The following TTC13 variants were observed in gnomAD, a reference collection of about 807,000 sequenced individuals.
TTC13 encodes tetratricopeptide repeat domain 13.
A neutral mutation model predicts 120.0 loss-of-function variants in TTC13; 62 were observed. That is an observed-to-expected ratio of 0.52 (90% confidence interval 0.42 to 0.64). TTC13 has a LOEUF of 0.64. Ranked by LOEUF, TTC13 falls within the 30% of genes least tolerant of loss-of-function variation. The pLI, the probability that TTC13 is intolerant of heterozygous loss-of-function variation, is 0.00. For missense variants in TTC13, 824 were observed against 1,050.2 expected, an observed-to-expected ratio of 0.78 and a Z score of 2.98; for synonymous variants, 384 against 393.5, an observed-to-expected ratio of 0.98 and a Z score of 0.28.
At chr1:230,963,613 T>G (rs1049435301) in intron 1 of TTC13, among the ~76,000 whole-genome samples, 13 of 150,554 alleles carry the variant, frequency 8.6e-5, no homozygotes, top group Non-Finnish European at 1.8e-4. Context: ...CCAGTCTGGA[T>G]GACAGAGTAA....
chr1:230,906,590 A>C lies in TTC13; in HGVS notation c.*315T>G, dbSNP rs1670954710. Reference sequence around the variant, plus strand: ...TTTGTTTTTGTTCATCTTCAGTATTATATTTTAGTTGTTGAGGAAAATTTT... The same window carrying C: ...TTTGTTTTTGTTCATCTTCAGTATTCTATTTTAGTTGTTGAGGAAAATTTT... On this transcript the variant is annotated 3_prime_UTR_variant, in exon 23 of 23. Transcript: ENST00000366661. 1 of 167,552 alleles carries C rather than the reference A, an allele frequency of 6.0e-6. No homozygotes were observed. Among genetic ancestry groups the C allele is most frequent in the African/African-American group, 2.4e-5 (1 of 42,130 alleles). The allele number at this position is 167,552 out of a possible 1,614,324, so 10.4% of individuals were successfully genotyped here.
intron 19 of TTC13, among the ~76,000 whole-genome samples, chr1:230,911,869 T>G (rs1671541750): frequency 6.6e-6 from 1 of 152,218 alleles, no homozygotes; most frequent in African/African-American, 2.4e-5. Flanking sequence ...AAGGCATTTA[T>G]TAACACCAAA....
chr1:230,928,423 T>G (rs142931783), intron 12 of TTC13, among the ~76,000 whole-genome samples: 52 of 152,352 alleles, frequency 3.4e-4, no homozygotes, highest in African/African-American at 1.2e-3. Context: ...TAACTGATTA[T>G]TGTATATTGA....
intron 22 of TTC13, 129 bp downstream of exon 22, chr1:230,908,583 T>C (rs1413849477): frequency 1.6e-5 from 11 of 702,044 alleles, no homozygotes; most frequent in Non-Finnish European, 2.4e-5. Flanking sequence ...ATTAAATTCA[T>C]TGTATTACAT....
rs1185809278 is a variant in TTC13 at position 230,978,792 on chromosome 1, C to G, written c.39G>C (p.Trp13Cys). Residue 13 changes from tryptophan (W) to cysteine (C), a missense_variant, in exon 1 of 23, where the codon TGG (tryptophan) becomes TGC (cysteine). Physicochemically the swap from Trp to Cys is radical, Grantham distance 215. Transcript: ENST00000366661. The surrounding 1 kb of genome is among the most constrained non-coding windows in gnomAD (Gnocchi z 5.6). ...PAGCCCCCCF[W>C]GGAVAAAGAA... ...CGCCCGCGGCGGCCACAGCGCCGCC[C>G]CAGAAGCAGCAGCAGCAGCAGCAGC... 6.7e-7 allele frequency: 1 copy of G among 1,498,472 alleles called. No homozygotes were observed. The highest frequency in any genetic ancestry group is 8.8e-7 in the Non-Finnish European group (1 of 1,133,194). 92.8% of individuals were successfully genotyped at this position (1,498,472 alleles called of 1,614,324 possible).
Position 230,942,938 on chromosome 1 carries a change from T to C in TTC13, c.672+868A>G, listed in dbSNP as rs530664955. ...TATTACATGGCATCTTCACCACATATTATCTGTCTCTATGTCAAGTTCCTT... is the reference window on the plus strand; with the variant it reads ...TATTACATGGCATCTTCACCACATACTATCTGTCTCTATGTCAAGTTCCTT... On this transcript the variant is annotated intron_variant, in intron 6 of 22. Transcript: ENST00000366661. The surrounding 1 kb of genome is among the most constrained non-coding windows in gnomAD (Gnocchi z 4.0). Among the ~76,000 whole-genome samples the C allele has an allele frequency of 3.3e-5, 5 of 152,318 alleles. No individual in the cohort carries two copies. The highest frequency in any genetic ancestry group is 4.8e-5 in the African/African-American group (2 of 41,574).
At chr1:230,911,376 G>T in intron 20 of TTC13, 94 bp downstream of exon 20, 2 of 823,388 alleles carry the variant, frequency 2.4e-6, no homozygotes, top group South Asian at 2.5e-5. Context: ...CCATTTCTTT[G>T]TGTACTCTGT....
chr1:230,933,766 T>C lies in TTC13; in HGVS notation c.983+13A>G, dbSNP rs893494802. 6.5e-6 allele frequency: 10 copies of C among 1,528,638 alleles called. No individual in the cohort carries two copies. Among genetic ancestry groups the C allele is most frequent in the Non-Finnish European group, 9.0e-6 (10 of 1,116,548 alleles). 94.7% of individuals were successfully genotyped at this position (1,528,638 alleles called of 1,614,324 possible). A position where few individuals can be genotyped will look rare whatever the true frequency, so the allele number is the denominator to read the frequency against. On this transcript the variant is annotated intron_variant, in intron 9 of 22. Coordinates refer to ENST00000366661, the MANE Select transcript of TTC13 (RefSeq NM_024525.5). ...AGCCTCCCTCCTACCCCAACTGTTA[T>C]TATTTTACTCACCTATATGCCTGCC...
intron 19 of TTC13, among the ~76,000 whole-genome samples, 184 bp downstream of exon 19, chr1:230,912,439 C>T (rs1671597704): frequency 6.6e-6 from 1 of 152,026 alleles, no homozygotes; most frequent in African/African-American, 2.4e-5. Context: ...AATTTATTAT[C>T]CTCCCCATTA....
intron 6 of TTC13, among the ~76,000 whole-genome samples, chr1:230,943,074 G>A (rs1182808682): frequency 2.0e-5 from 3 of 152,144 alleles, no homozygotes; most frequent in Admixed American, 6.5e-5. Context: ...CAGAATGAAC[G>A]CTTCCAAGGG....
At chr1:230,911,308 G>T in intron 20 of TTC13, 162 bp downstream of exon 20, 1 of 522,824 alleles carries the variant, frequency 1.9e-6, no homozygotes, top group South Asian at 3.2e-5. Flanking sequence ...TTGCTGATGT[G>T]ATAGACTAAG....
Position 230,942,238 on chromosome 1 carries a change from G to GA in TTC13, c.672+1567dup, listed in dbSNP as rs1404679053. Among the ~76,000 whole-genome samples, 1 of 151,960 alleles carries GA rather than the reference G, an allele frequency of 6.6e-6. No individual in the cohort carries two copies. Among genetic ancestry groups the GA allele is most frequent in the Non-Finnish European group, 1.5e-5 (1 of 67,966 alleles). ...TAACATAAACCAGAGTAATATAGGG[G>GA]AAAAAACATCAGTCCCCCCTACCAG... On this transcript the variant is annotated intron_variant, in intron 6 of 22. Transcript: ENST00000366661. The surrounding 1 kb of genome is among the most constrained non-coding windows in gnomAD (Gnocchi z 4.0).
chr1:230,924,333 T>G (rs1672853623), intron 14 of TTC13, among the ~76,000 whole-genome samples: 1 of 152,076 alleles, frequency 6.6e-6, no homozygotes, highest in Non-Finnish European at 1.5e-5. Flanking sequence ...AACAATCAAT[T>G]CGTTTTTTTT....
intron 3 of TTC13, among the ~76,000 whole-genome samples, chr1:230,955,581 G>C (rs1675991759): frequency 6.7e-6 from 1 of 149,660 alleles, no homozygotes; most frequent in African/African-American, 2.5e-5. Context: ...TGAGGCAGGA[G>C]AATGGCATGA....
At position 230,925,667 on chromosome 1, in the gene TTC13, C is replaced by T; in HGVS notation, c.1458-20G>A. On this transcript the variant is annotated intron_variant, in intron 12 of 22. Transcript: ENST00000366661. The stretch of plus-strand genomic sequence containing the variant: ...ACATCTCTGGAAGAAACATCATGTA[C>T]ATGATAAGGACTTTTACAACAGACA... 4 of 1,613,050 alleles carry T rather than the reference C, an allele frequency of 2.5e-6. No individual in the cohort carries two copies. The highest frequency in any genetic ancestry group is 3.3e-4 in the Middle Eastern group (2 of 6,052).
At chr1:230,938,445 A>C (rs1430040206) in intron 8 of TTC13, among the ~76,000 whole-genome samples, 1 of 152,180 alleles carries the variant, frequency 6.6e-6, no homozygotes, top group Non-Finnish European at 1.5e-5. Flanking sequence ...CGGAACATGG[A>C]ATCGAGTGCC....
At chr1:230,963,738 G>A (rs965766085) in intron 1 of TTC13, among the ~76,000 whole-genome samples, 3 of 152,096 alleles carry the variant, frequency 2.0e-5, no homozygotes, top group African/African-American at 4.8e-5. Context: ...CGGATAGGAC[G>A]ATGAGTGGTA....
Position 230,978,698 on chromosome 1 carries a change from C to T in TTC13, c.133G>A (p.Ala45Thr), listed in dbSNP as rs1191097320. 6.7e-7 allele frequency: 1 copy of T among 1,490,680 alleles called. No individual in the cohort carries two copies. The highest frequency in any genetic ancestry group is 8.9e-7 in the Non-Finnish European group (1 of 1,128,492). The allele number at this position is 1,490,680 out of a possible 1,614,324, so 92.3% of individuals were successfully genotyped here. Residue 45 changes from alanine (A) to threonine (T), a missense_variant, in exon 1 of 23, where the codon GCC (alanine) becomes ACC (threonine). This residue lies in a region of TTC13 where 160 missense variants were observed against 137.2 expected (regional missense o/e 1.17). Coordinates refer to ENST00000366661, the MANE Select transcript of TTC13 (RefSeq NM_024525.5). This position sits in a 1 kb window ranked among gnomAD's most constrained non-coding sequence, Gnocchi z 5.6. ...GAGAGCGGCGAGTAGTGCTCGGTGG[C>T]CAGGGCGCCTGGCCGCAGCCCGGCG... ...LSAGLRPGAL[A>T]TEHYSPLSLL...
chr1:230,912,534 T>C (rs1671605272), intron 19 of TTC13, 89 bp downstream of exon 19: 2 of 1,412,132 alleles, frequency 1.4e-6, no homozygotes, highest in Admixed American at 4.3e-5. Flanking sequence ...AAGCATAAGA[T>C]GTACAATCTC....
Sources: gnomAD v4.1 joint callset for allele counts (sites outside exome capture counted in the v4.1 genomes callset) on GRCh38, gnomAD v4.1.1 for gene constraint, gnomAD v4.1.1 regional missense constraint, Gnocchi (gnomAD v3.1) non-coding constraint, MANE v1.5 for transcripts, NCBI Gene and HGNC (gene_info 2026-07-23, HGNC 2026-07-21) for gene names.